Variants in ITFG1 observed in about 807,000 individuals in gnomAD.
ITFG1 encodes the protein integrin alpha FG-GAP repeat containing 1.
Under a neutral mutation model 81.8 loss-of-function variants are expected in ITFG1, and 34 were observed. The observed-to-expected ratio is 0.42, with a 90% CI of 0.32 to 0.55. The LOEUF (loss-of-function observed/expected upper bound fraction) is 0.55. ITFG1 is among the 20% of genes least tolerant of loss of function. The pLI is 0.17. For missense variants in ITFG1, 672 were observed against 755.4 expected, an observed-to-expected ratio of 0.89 and a Z score of 1.29; for synonymous variants, 285 against 270.6, an observed-to-expected ratio of 1.05 and a Z score of -0.52.
At chr16:47,400,194 C>T (rs2151598948) in intron 6 of ITFG1, among the ~76,000 whole-genome samples, 1 of 152,298 alleles carries the variant, frequency 6.6e-6, no homozygotes, top group African/African-American at 2.4e-5. Context: ...TTGCAATTGG[C>T]TTGCTTGTAC....
At chr16:47,328,901 C>T (rs561057042) in intron 8 of ITFG1, among the ~76,000 whole-genome samples, 11 of 152,106 alleles carry the variant, frequency 7.2e-5, no homozygotes, top group African/African-American at 2.2e-4. Context: ...CTATTTTTTG[C>T]TTTATACATT....
chr16:47,424,385 T>C (rs1968992155), intron 6 of ITFG1, among the ~76,000 whole-genome samples: 1 of 152,210 alleles, frequency 6.6e-6, no homozygotes, highest in Admixed American at 6.5e-5. Context: ...CACACTCCTT[T>C]AGCTTGGAGA....
chr16:47,187,409 C>G (rs1219408517), intron 14 of ITFG1, among the ~76,000 whole-genome samples: 2 of 151,958 alleles, frequency 1.3e-5, no homozygotes, highest in Admixed American at 1.3e-4. Flanking sequence ...GGTACCAAAA[C>G]AGAGATATAG....
intron 5 of ITFG1, chr16:47,449,397 G>C (rs1028724756): frequency 6.6e-6 from 1 of 152,164 alleles, no homozygotes; most frequent in Non-Finnish European, 1.5e-5. Flanking sequence ...TTATAAAACT[G>C]ACATTGCTTA....
At chr16:47,326,624 A>C (rs961681713) in intron 8 of ITFG1, among the ~76,000 whole-genome samples, 3 of 152,208 alleles carry the variant, frequency 2.0e-5, no homozygotes, top group Non-Finnish European at 2.9e-5. Context: ...ACTTCAGCAA[A>C]GTCTCAGGAT....
chr16:47,266,204 A>C (rs143476049), intron 10 of ITFG1, among the ~76,000 whole-genome samples: 4 of 152,114 alleles, frequency 2.6e-5, no homozygotes, highest in East Asian at 3.9e-4. Flanking sequence ...ACAACAGGTA[A>C]AATTTTTTTG....
chr16:47,182,173 A>G (rs1965133713), intron 14 of ITFG1, among the ~76,000 whole-genome samples: 1 of 151,560 alleles, frequency 6.6e-6, no homozygotes, highest in South Asian at 2.1e-4. Flanking sequence ...TCCAAGAATG[A>G]TCAATTAAAA....
At chr16:47,310,243 G>A (rs1454131385) in intron 10 of ITFG1, among the ~76,000 whole-genome samples, 1 of 152,180 alleles carries the variant, frequency 6.6e-6, no homozygotes, top group Non-Finnish European at 1.5e-5. Context: ...CTAAATATCA[G>A]ATTTCAGGAC....
intron 6 of ITFG1, chr16:47,426,072 C>T (rs1969017533): frequency 6.6e-6 from 1 of 152,008 alleles, no homozygotes; most frequent in Non-Finnish European, 1.5e-5. Context: ...GAGTTTTATA[C>T]TTTGTGTGAT....
chr16:47,399,820 C>T (rs1370219687), intron 6 of ITFG1, among the ~76,000 whole-genome samples: 7 of 152,100 alleles, frequency 4.6e-5, no homozygotes, highest in African/African-American at 7.2e-5. Context: ...TAACATGCCT[C>T]GTATCTTAGG....
intron 2 of ITFG1, among the ~76,000 whole-genome samples, chr16:47,455,081 A>C (rs1046001883): frequency 6.6e-6 from 1 of 152,240 alleles, no homozygotes; most frequent in African/African-American, 2.4e-5. Context: ...TAGACACAGG[A>C]GTTAACCAAA....
intron 10 of ITFG1, among the ~76,000 whole-genome samples, chr16:47,297,736 T>A (rs1435432099): frequency 2.6e-5 from 4 of 152,104 alleles, no homozygotes; most frequent in African/African-American, 9.7e-5. Flanking sequence ...TGATAAGGTT[T>A]CTCTTATAGG....
chr16:47,215,411 T>G (rs1965613785), intron 14 of ITFG1, among the ~76,000 whole-genome samples: 1 of 152,232 alleles, frequency 6.6e-6, no homozygotes, highest in Non-Finnish European at 1.5e-5. Flanking sequence ...AGCATATGTT[T>G]GAAATATTTT....
intron 5 of ITFG1, among the ~76,000 whole-genome samples, chr16:47,440,686 C>T (rs541788623): frequency 9.9e-5 from 15 of 151,796 alleles, no homozygotes; most frequent in Admixed American, 2.0e-4. Context: ...CATTCAAAGC[C>T]GTGTGTAGAG....
At chr16:47,311,509 A>T in intron 9 of ITFG1, 97 bp from the exon 10 acceptor site, 3 of 933,208 alleles carry the variant, frequency 3.2e-6, no homozygotes, top group Non-Finnish European at 4.6e-6. Flanking sequence ...CAAGATAAGC[A>T]TTATTTTACT....
At chr16:47,385,815 C>T (rs1160985673) in intron 6 of ITFG1, among the ~76,000 whole-genome samples, 6 of 152,150 alleles carry the variant, frequency 3.9e-5, no homozygotes, top group African/African-American at 1.4e-4. Flanking sequence ...AAACTTTGAG[C>T]TTTTAAAACT....
intron 7 of ITFG1, among the ~76,000 whole-genome samples, chr16:47,369,833 CTTTTTTTTTTTT>C (rs71134539): frequency 9.7e-5 from 5 of 51,710 alleles, no homozygotes; most frequent in African/African-American, 3.1e-4. Context: ...TCAATATCCT[CTTTTTTTTTTTT>C]TTTTTTTTTT....
chr16:47,345,415 C>T (rs774280474), intron 8 of ITFG1, among the ~76,000 whole-genome samples: 4 of 152,040 alleles, frequency 2.6e-5, no homozygotes, highest in Non-Finnish European at 5.9e-5. Flanking sequence ...ACTCTCCTGC[C>T]TCAGCCTCCT....
chr16:47,405,506 C>T (rs776135425), intron 6 of ITFG1, among the ~76,000 whole-genome samples: 7 of 152,150 alleles, frequency 4.6e-5, no homozygotes, highest in Non-Finnish European at 1.0e-4. Flanking sequence ...TGAAAACGTA[C>T]ATGTGCATTT....
Sources: gnomAD v4.1 joint callset for allele counts (sites outside exome capture counted in the v4.1 genomes callset) on GRCh38, gnomAD v4.1.1 for gene constraint, MANE v1.5 for transcripts, NCBI Gene and HGNC (gene_info 2026-07-23, HGNC 2026-07-21) for gene names.